The following ADAMTS2 variants were observed in gnomAD, a reference collection of about 807,000 sequenced individuals.
ADAMTS2 encodes ADAM metallopeptidase with thrombospondin type 1 motif 2.
Under a neutral mutation model 123.0 loss-of-function variants are expected in ADAMTS2, and 50 were observed. The observed-to-expected ratio is 0.41, with a 90% CI of 0.32 to 0.51. ADAMTS2 has a LOEUF of 0.51. Ranked by LOEUF, ADAMTS2 falls within the 20% of genes least tolerant of loss-of-function variation. ADAMTS2 has a pLI of 0.35. For missense variants in ADAMTS2, 1,494 were observed against 1,705.2 expected (o/e 0.88, Z 2.18); for synonymous variants, 678 against 695.4 (o/e 0.98, Z 0.39).
intron 7 of ADAMTS2, 29 bp from the exon 8 acceptor site, chr5:179,154,221 C>T (rs1256665376): frequency 6.5e-7 from 1 of 1,539,874 alleles, no homozygotes; most frequent in Non-Finnish European, 8.7e-7. Context: ...CTGGCTGAAT[C>T]CCACTGGCAC....
rs1230842657 is a variant in ADAMTS2, at chr5:179,128,074, G to A, written c.2502C>T (p.Tyr834=). The A allele has an allele frequency of 6.2e-7, 1 of 1,614,020 alleles. No individual in the cohort carries two copies. The highest frequency in any genetic ancestry group is 1.1e-5 in the South Asian group (1 of 91,086). Residue 834 remains tyrosine (Y), a synonymous_variant, in exon 17 of 22, where the codon TAC becomes TAT. Coordinates refer to ENST00000251582, the MANE Select transcript of ADAMTS2 (RefSeq NM_014244.5). This position sits in a 1 kb window ranked among gnomAD's most constrained non-coding sequence, Gnocchi z 4.9. ...GDTRVSLTYK[Y]MIHEDSLNVD... is the part of the protein sequence containing the mutation. ...CATTCAGTGAGTCCTCATGGATCAT[G>A]TATTTGTACGTCAGTGAGACCCGGG... is the stretch of plus-strand genomic sequence containing the variant.
At position 179,189,350 on chromosome 5, in the gene ADAMTS2, A is replaced by ATT. The variant is rs35847485; in HGVS notation, c.892-8197_892-8196dup. ...GGGATAGACGGTGGAGTTAGGAGCA[A>ATT]TTTTTTTTTTTTTTTGAGACGGAGT... On this transcript the variant is annotated intron_variant, in intron 4 of 21. Coordinates refer to ENST00000251582, the MANE Select transcript of ADAMTS2 (RefSeq NM_014244.5). The surrounding 1 kb of genome is among the most constrained non-coding windows in gnomAD (Gnocchi z 4.2). Among the ~76,000 whole-genome samples the ATT allele has an allele frequency of 1.3e-4, 18 of 141,676 alleles. No homozygotes were observed. Among genetic ancestry groups the ATT allele is most frequent in the Admixed American group, 3.5e-4 (5 of 14,208 alleles). The allele number at this position is 141,676 out of a possible 152,430, so 92.9% of individuals were successfully genotyped here.
rs748642460 is a variant in ADAMTS2 at position 179,207,599 on chromosome 5, C to T, written c.805G>A (p.Glu269Lys). ...RHAADDDYNI[E>K]VLLGVDDSVV... ...GAGTCATCCACGCCCAGCAGGACCT[C>T]GATGTTGTAGTCATCGTCCGCAGCA... The change falls in exon 4 of 22, where the codon GAG (glutamate) becomes AAG (lysine). Residue 269 changes from glutamate to lysine, a missense_variant. By Grantham distance (56) the Glu-to-Lys change is moderately conservative. This residue lies in a region of ADAMTS2 where 184 missense variants were observed against 152.1 expected (regional missense o/e 1.21). Transcript: ENST00000251582. 2.7e-5 allele frequency: 43 copies of T among 1,613,742 alleles called. No homozygotes were observed. The highest frequency in any genetic ancestry group is 3.3e-5 in the Admixed American group (2 of 60,006).
At chr5:179,206,461 A>G (rs1764698405) in intron 4 of ADAMTS2, among the ~76,000 whole-genome samples, 1 of 152,166 alleles carries the variant, frequency 6.6e-6, no homozygotes, top group African/African-American at 2.4e-5. Context: ...ATTCATCCAC[A>G]GGTGTGGACA....
In ADAMTS2 at chr5:179,260,970, G is replaced by A. The variant is rs1766205890; in HGVS notation, c.688+11941C>T. On this transcript the variant is annotated intron_variant, in intron 3 of 21. Coordinates refer to ENST00000251582, the MANE Select transcript of ADAMTS2 (RefSeq NM_014244.5). The surrounding 1 kb of genome is among the most constrained non-coding windows in gnomAD (Gnocchi z 4.2). Reference sequence around the variant, plus strand: ...CTTCGCGCAGGCCCTCGGTGAATGGGCATGTCCTTGAACGCAAACTTGGCT... The same window carrying A: ...CTTCGCGCAGGCCCTCGGTGAATGGACATGTCCTTGAACGCAAACTTGGCT... 6.6e-6 allele frequency among the ~76,000 whole-genome samples: 1 copy of A among 152,128 alleles called. No homozygotes were observed.
intron 3 of ADAMTS2, among the ~76,000 whole-genome samples, chr5:179,259,408 G>A (rs1271689923): frequency 6.6e-6 from 1 of 152,256 alleles, no homozygotes; most frequent in African/African-American, 2.4e-5. Context: ...GCCTGGCCCA[G>A]TGCCCGGTCC....
rs1472762207 is a variant in ADAMTS2 at position 179,115,370 on chromosome 5, A to T, written c.3179-1046T>A. On this transcript the variant is annotated intron_variant, in intron 21 of 21. Coordinates refer to ENST00000251582, the MANE Select transcript of ADAMTS2 (RefSeq NM_014244.5). This position sits in a 1 kb window ranked among gnomAD's most constrained non-coding sequence, Gnocchi z 4.4. Reference sequence around the variant, plus strand: ...ACAACACAAAAATTAAGATGATTTTAAAAAATTCACTCAAGAAGAAAGAAT... The same window carrying T: ...ACAACACAAAAATTAAGATGATTTTTAAAAATTCACTCAAGAAGAAAGAAT... 2.6e-5 allele frequency among the ~76,000 whole-genome samples: 4 copies of T among 152,342 alleles called. No individual in the cohort carries two copies. The highest frequency in any genetic ancestry group is 5.9e-5 in the Non-Finnish European group (4 of 68,030).
chr5:179,164,757 G>A (rs1174228751), intron 5 of ADAMTS2, among the ~76,000 whole-genome samples: 1 of 152,174 alleles, frequency 6.6e-6, no homozygotes, highest in South Asian at 2.1e-4. Flanking sequence ...ATGGAGCACA[G>A]GTTCGAAAGG....
intron 12 of ADAMTS2, among the ~76,000 whole-genome samples, 169 bp downstream of exon 12, chr5:179,137,600 C>T (rs1422255195): frequency 6.6e-6 from 1 of 152,228 alleles, no homozygotes; most frequent in Non-Finnish European, 1.5e-5. Flanking sequence ...AACTTTAATG[C>T]CCCACCCAGG....
intron 2 of ADAMTS2, among the ~76,000 whole-genome samples, chr5:179,327,756 G>A (rs991898475): frequency 6.6e-6 from 1 of 152,168 alleles, no homozygotes; most frequent in Non-Finnish European, 1.5e-5. Context: ...AATTCCCTTA[G>A]AAGCGGGGCT....
Position 179,327,206 on chromosome 5 carries a change from G to A in ADAMTS2, c.534+16561C>T, listed in dbSNP as rs143569327. Among the ~76,000 whole-genome samples, 8 of 152,276 alleles carry A rather than the reference G, an allele frequency of 5.3e-5. No individual in the cohort carries two copies. The East Asian group carries it at 1.4e-3, about 26-fold the overall frequency. ...ACTCATCTGTGGGTGGACATGGCCC[G>A]TGGCCCACCAGTGTGCAAACTCCGC... On this transcript the variant is annotated intron_variant, in intron 2 of 21. Coordinates refer to ENST00000251582, the MANE Select transcript of ADAMTS2 (RefSeq NM_014244.5).
rs1487128360 is a variant in ADAMTS2, at chr5:179,117,665, G to A, written c.3179-3341C>T. ...CCTCCTGGGTTCAAGAGCCTCCCGA[G>A]TAGCTGGGACTACAGGTGCGTGCCA... On this transcript the variant is annotated intron_variant, in intron 21 of 21. Coordinates refer to ENST00000251582, the MANE Select transcript of ADAMTS2 (RefSeq NM_014244.5). This position sits in a 1 kb window ranked among gnomAD's most constrained non-coding sequence, Gnocchi z 4.2. Among the ~76,000 whole-genome samples, 1 of 152,020 alleles carries A rather than the reference G, an allele frequency of 6.6e-6. No homozygotes were observed. The highest frequency in any genetic ancestry group is 2.4e-5 in the African/African-American group (1 of 41,372).
rs1763788440 is a variant in ADAMTS2 at position 179,170,283 on chromosome 5, G to A, written c.975+10789C>T. ...CAGGCAATGGGGGAGCGGCAGGTGG[G>A]GAGCTGGTCTATTTCTGTCACAATT... On this transcript the variant is annotated intron_variant, in intron 5 of 21. Coordinates refer to ENST00000251582, the MANE Select transcript of ADAMTS2 (RefSeq NM_014244.5). The surrounding 1 kb of genome is among the most constrained non-coding windows in gnomAD (Gnocchi z 4.3). Among the ~76,000 whole-genome samples the A allele has an allele frequency of 6.6e-6, 1 of 152,150 alleles. No homozygotes were observed. Among genetic ancestry groups the A allele is most frequent in the Non-Finnish European group, 1.5e-5 (1 of 68,038 alleles).
intron 3 of ADAMTS2, among the ~76,000 whole-genome samples, chr5:179,214,827 TAATTGTTAA>T (rs1366751119): frequency 6.6e-6 from 1 of 151,808 alleles, no homozygotes; most frequent in African/African-American, 2.4e-5. Flanking sequence ...ATTGTTAAAA[TAATTGTTAA>T]AATTATTCTC....
At chr5:179,209,594 G>GCA (rs1484589416) in intron 3 of ADAMTS2, among the ~76,000 whole-genome samples, 1 of 144,694 alleles carries the variant, frequency 6.9e-6, no homozygotes, top group Non-Finnish European at 1.5e-5. Flanking sequence ...ACACACACAG[G>GCA]CACACACACA....
rs980952083 is a variant in ADAMTS2 at position 179,228,163 on chromosome 5, C to G, written c.689-20448G>C. Among the ~76,000 whole-genome samples the G allele has an allele frequency of 6.6e-6, 1 of 152,136 alleles. No individual in the cohort carries two copies. Among genetic ancestry groups the G allele is most frequent in the Non-Finnish European group, 1.5e-5 (1 of 68,004 alleles). On this transcript the variant is annotated intron_variant, in intron 3 of 21. Transcript: ENST00000251582. The surrounding 1 kb of genome is among the most constrained non-coding windows in gnomAD (Gnocchi z 5.2). ...TCTGGAGCACAGAGAGAGGGTGGGCCGGAGGCCCCAGGTGTGGGCGGCCTC... is the reference window on the plus strand; with the variant it reads ...TCTGGAGCACAGAGAGAGGGTGGGCGGGAGGCCCCAGGTGTGGGCGGCCTC...
Position 179,181,170 on chromosome 5 carries a change from G to A in ADAMTS2, c.892-15C>T, listed in dbSNP as rs1403515213. 2.5e-6 allele frequency: 4 copies of A among 1,605,638 alleles called. No homozygotes were observed. The highest frequency in any genetic ancestry group is 3.4e-6 in the Non-Finnish European group (4 of 1,172,558). On this transcript the variant is annotated splice_polypyrimidine_tract_variant and intron_variant, in intron 4 of 21. Coordinates refer to ENST00000251582, the MANE Select transcript of ADAMTS2 (RefSeq NM_014244.5). The surrounding 1 kb of genome is among the most constrained non-coding windows in gnomAD (Gnocchi z 4.1). ...ATTTCATTGACCTGAAAGAAACAGG[G>A]AGGCATCAGCGGGAACCACAGGCCC...
At chr5:179,249,075 GAC>G (rs1283113348) in intron 3 of ADAMTS2, among the ~76,000 whole-genome samples, 2 of 152,012 alleles carry the variant, frequency 1.3e-5, no homozygotes, top group African/African-American at 4.8e-5. Flanking sequence ...AGAAATCAAT[GAC>G]AGAAGAAACC....
At chr5:179,300,935 T>C (rs1223319879) in intron 2 of ADAMTS2, among the ~76,000 whole-genome samples, 1 of 151,374 alleles carries the variant, frequency 6.6e-6, no homozygotes, top group Non-Finnish European at 1.5e-5. Context: ...GTCGGAGAGG[T>C]CCCGCAGGAC....
Sources: allele counts gnomAD v4.1 joint callset (sites outside exome capture counted in the v4.1 genomes callset), GRCh38; gene constraint gnomAD v4.1.1; regional missense constraint gnomAD v4.1.1; non-coding constraint Gnocchi (gnomAD v3.1); transcripts MANE v1.5; gene names NCBI Gene and HGNC (gene_info 2026-07-23, HGNC 2026-07-21).